The following GBP4 variants were observed in gnomAD, a reference collection of about 807,000 sequenced individuals.
GBP4 encodes guanylate-binding protein 4.
GBP4 carries 69 observed loss-of-function variants against 62.2 expected under a neutral mutation model. The ratio of observed to expected loss-of-function variants is 1.11; its 90% CI spans 0.91 to 1.36. GBP4 has a LOEUF of 1.36. Among genes scored for constraint, GBP4 ranks in the 40% most tolerant of loss-of-function variants. The pLI is 0.00. For synonymous variants in GBP4, 278 were observed against 274.6 expected (o/e 1.01, Z -0.12); for missense variants, 697 against 759.3 (o/e 0.92, Z 0.96).
chr1:89,197,464 T>TA lies in GBP4; in HGVS notation c.41-161dup, dbSNP rs1242069956. On this transcript the variant is annotated intron_variant, in intron 1 of 10. Coordinates refer to ENST00000355754, the MANE Select transcript of GBP4 (RefSeq NM_052941.5). ...ATATATTTCTACGTTTAATGGTATATAAAATTTCTATGTATATAAAATTTG... is the reference window on the plus strand; with the variant it reads ...ATATATTTCTACGTTTAATGGTATATAAAAATTTCTATGTATATAAAATTTG... 4.9e-5 allele frequency among the ~76,000 whole-genome samples: 7 copies of TA among 142,174 alleles called. No individual in the cohort carries two copies. In the East Asian group the frequency reaches 1.3e-3, roughly 27 times the overall value. 93.3% of individuals were successfully genotyped at this position (142,174 alleles called of 152,430 possible). A position where few individuals can be genotyped will look rare whatever the true frequency, so the allele number is the denominator to read the frequency against.
rs2100679293 is a variant in GBP4, at chr1:89,195,357, G to A, written c.303C>T (p.Leu101=). 5.6e-6 allele frequency: 9 copies of A among 1,614,120 alleles called. No individual in the cohort carries two copies. Among genetic ancestry groups the A allele is most frequent in the Middle Eastern group, 1.6e-4 (1 of 6,062 alleles). Residue 101 remains leucine, a synonymous_variant, in exon 3 of 11, where the codon CTC becomes CTT. Coordinates refer to ENST00000355754, the MANE Select transcript of GBP4 (RefSeq NM_052941.5). ...KGIWMWCVPH[L]SKPNHTLVLL... The stretch of plus-strand genomic sequence containing the variant: ...GGACCAGGGTGTGGTTTGGCTTAGA[G>A]AGGTGGGGCACACACCACATCCAGA...
In GBP4 at chr1:89,193,340, C is replaced by G. The variant is rs143368730; in HGVS notation, c.436G>C (p.Val146Leu). 1 of 1,614,154 alleles carries G rather than the reference C, an allele frequency of 6.2e-7. No individual in the cohort carries two copies. The highest frequency in any genetic ancestry group is 1.3e-5 in the African/African-American group (1 of 75,044). The change falls in exon 4 of 11, where the codon GTG becomes CTG. Residue 146 changes from valine (V) to leucine (L), a missense_variant. Val to Leu is a conservative substitution (Grantham distance 32). Transcript: ENST00000355754. ...LLSSSFVYNS[V>L]STINHQALEQ... ...AGGGCCTGGTGGTTGATGGTGCTCA[C>G]GCTGTTATAGACAAAGCTGCTGCTT...
intron 6 of GBP4, among the ~76,000 whole-genome samples, chr1:89,190,548 AAAATT>A (rs1182154968): frequency 1.3e-5 from 2 of 152,062 alleles, no homozygotes; most frequent in Non-Finnish European, 2.9e-5. Context: ...TTCACATTAC[AAAATT>A]AAATTACCCA....
At chr1:89,191,195 A>G in intron 6 of GBP4, 66 bp downstream of exon 6, 2 of 1,552,224 alleles carry the variant, frequency 1.3e-6, no homozygotes, top group Non-Finnish European at 1.8e-6. Flanking sequence ...AAAAACTTGC[A>G]GTCATTACAG....
intron 6 of GBP4, among the ~76,000 whole-genome samples, chr1:89,190,837 C>T (rs1648163048): frequency 6.6e-6 from 1 of 152,036 alleles, no homozygotes; most frequent in Admixed American, 6.5e-5. Flanking sequence ...GGTTGCATGC[C>T]ATGAAGCTAG....
At chr1:89,193,192 C>A in intron 4 of GBP4, 92 bp from the exon 5 acceptor site, 1 of 1,527,134 alleles carries the variant, frequency 6.5e-7, no homozygotes, top group Non-Finnish European at 9.0e-7. Context: ...CTTTTGCACT[C>A]TGTCTTTTCT....
chr1:89,192,706 T>C (rs1377131484), intron 5 of GBP4, among the ~76,000 whole-genome samples, 198 bp downstream of exon 5: 1 of 152,206 alleles, frequency 6.6e-6, no homozygotes, highest in East Asian at 1.9e-4. Flanking sequence ...CTCAATGAAT[T>C]TGAACCTCAG....
intron 3 of GBP4, 130 bp downstream of exon 3, chr1:89,195,167 G>A (rs530480810): frequency 2.6e-5 from 25 of 965,340 alleles, no homozygotes; most frequent in Non-Finnish European, 3.7e-5. Flanking sequence ...GGAAGTCTGA[G>A]GAAACAGAAT....
rs1201587108 is a variant in GBP4 at position 89,191,436 on chromosome 1, C to T, written c.741G>A (p.Lys247=). Residue 247 remains lysine (K), a synonymous_variant, in exon 6 of 11, where the codon AAG becomes AAA. Transcript: ENST00000355754. ...ECIRHFFRKR[K]CFVFDRPTND... is the part of the protein sequence containing the mutation. ...TTGTAGGCCGGTCAAAGACAAAGCA[C>T]TTCCGTTTTCGGAAGAAATGCCTGA... 3 of 1,614,096 alleles carry T rather than the reference C, an allele frequency of 1.9e-6. No homozygotes were observed. Among genetic ancestry groups the T allele is most frequent in the African/African-American group, 1.3e-5 (1 of 74,940 alleles).
chr1:89,191,101 C>T (rs1369929558), intron 6 of GBP4, among the ~76,000 whole-genome samples, 160 bp downstream of exon 6: 6 of 152,246 alleles, frequency 3.9e-5, no homozygotes, highest in African/African-American at 2.4e-5. Context: ...CATGAGTAAA[C>T]TTTAATTAAG....
rs1031806284 is a variant in GBP4, at chr1:89,183,608, G to A, written c.*1646C>T. ...TCAAAAGAAACTATTGGCCAGATGT[G>A]GTGGCTCATGCCTAAATCCCAGTAC... On this transcript the variant is annotated 3_prime_UTR_variant, in exon 11 of 11. Transcript: ENST00000355754. The A allele has an allele frequency of 1.3e-5, 2 of 152,174 alleles. No homozygotes were observed. The highest frequency in any genetic ancestry group is 4.8e-5 in the African/African-American group (2 of 41,438). 9.4% of individuals were successfully genotyped at this position (152,174 alleles called of 1,614,324 possible). A position where few individuals can be genotyped will look rare whatever the true frequency, so the allele number is the denominator to read the frequency against.
chr1:89,186,510 C>T lies in GBP4; in HGVS notation c.1530G>A (p.Lys510=), dbSNP rs762915965. The change falls in exon 10 of 11, where the codon AAG becomes AAA. Residue 510 remains lysine, a synonymous_variant. Transcript: ENST00000355754. ...EKAIAAERAM[K]EAAEKEQELL... ...GCTCCTGTTCCTTCTCAGCTGCTTC[C>T]TTCATGGCCCGCTCCGCTATTCCAC... is the stretch of plus-strand genomic sequence containing the variant. The T allele has an allele frequency of 3.1e-6, 5 of 1,613,994 alleles. No homozygotes were observed. Among genetic ancestry groups the T allele is most frequent in the Admixed American group, 1.7e-5 (1 of 59,992 alleles).
Position 89,185,231 on chromosome 1 carries a change from T to C in GBP4, c.*23A>G, listed in dbSNP as rs1215745458. The C allele has an allele frequency of 7.2e-7, 1 of 1,388,134 alleles. No homozygotes were observed. Among genetic ancestry groups the C allele is most frequent in the East Asian group, 2.3e-5 (1 of 43,786 alleles). The allele number at this position is 1,388,134 out of a possible 1,614,324, so 86.0% of individuals were successfully genotyped here. A position where few individuals can be genotyped will look rare whatever the true frequency, so the allele number is the denominator to read the frequency against. ...ATAAAATAAACCTCATTTTATATTT[T>C]CTTACCTGGAATATTCAGGCTCTTA... On this transcript the variant is annotated 3_prime_UTR_variant, in exon 11 of 11. Coordinates refer to ENST00000355754, the MANE Select transcript of GBP4 (RefSeq NM_052941.5).
rs746203183 is a variant in GBP4 at position 89,185,363 on chromosome 1, A to C, written c.1814T>G (p.Leu605Ter). Residue 605 changes from leucine (L) to a stop codon, truncating the protein, a stop_gained, in exon 11 of 11, where the codon TTA becomes TGA. Transcript: ENST00000355754. LOFTEE classifies it low-confidence loss of function (END_TRUNC). ...EKIESTKNEQ[L>*]RLLKILDMAS... ...CATGTCAAGGATCTTTAAGAGCCTT[A>C]ACTGTTCATTTTTAGTGCTTTCAAT... The C allele has an allele frequency of 1.2e-6, 2 of 1,605,584 alleles. No homozygotes were observed. The highest frequency in any genetic ancestry group is 4.5e-5 in the East Asian group (2 of 44,782).
At position 89,184,519 on chromosome 1, in the gene GBP4, T is replaced by C. The variant is rs142360120; in HGVS notation, c.*735A>G. 6.6e-6 allele frequency: 1 copy of C among 152,108 alleles called. No individual in the cohort carries two copies. The highest frequency in any genetic ancestry group is 2.4e-5 in the African/African-American group (1 of 41,406). The allele number at this position is 152,108 out of a possible 1,614,324, so 9.4% of individuals were successfully genotyped here. ...AACACCATGGAATACTATGCAGCCATAAAAAACAACAAGATCATGTCCTCT... is the reference window on the plus strand; with the variant it reads ...AACACCATGGAATACTATGCAGCCACAAAAAACAACAAGATCATGTCCTCT... On this transcript the variant is annotated 3_prime_UTR_variant, in exon 11 of 11. Coordinates refer to ENST00000355754, the MANE Select transcript of GBP4 (RefSeq NM_052941.5).
intron 5 of GBP4, among the ~76,000 whole-genome samples, chr1:89,192,325 TTATGAAAA>T (rs1160523430): frequency 6.6e-6 from 1 of 152,200 alleles, no homozygotes; most frequent in African/African-American, 2.4e-5. Context: ...GTAGGTGATG[TTATGAAAA>T]TAGTAAAATG....
chr1:89,187,611 G>C (rs544403137), intron 8 of GBP4, among the ~76,000 whole-genome samples: 8 of 151,892 alleles, frequency 5.3e-5, no homozygotes, highest in African/African-American at 1.9e-4. Flanking sequence ...AATACAAAAG[G>C]AAATCATATA....
At chr1:89,193,624 T>C (rs1570376887) in intron 3 of GBP4, among the ~76,000 whole-genome samples, 1 of 152,204 alleles carries the variant, frequency 6.6e-6, no homozygotes, top group African/African-American at 2.4e-5. Context: ...ATGAATGACA[T>C]TGTCAATGTG....
At chr1:89,198,608 C>G (rs1323621817) in intron 1 of GBP4, 187 bp downstream of exon 1, 1 of 615,362 alleles carries the variant, frequency 1.6e-6, no homozygotes, top group Non-Finnish European at 2.9e-6. Flanking sequence ...AGACGCTGGG[C>G]CACACGGAGC....
Sources: gnomAD v4.1 joint callset for allele counts (sites outside exome capture counted in the v4.1 genomes callset) on GRCh38, gnomAD v4.1.1 for gene constraint, MANE v1.5 for transcripts, NCBI Gene and HGNC (gene_info 2026-07-23, HGNC 2026-07-21) for gene names.